Variants in ZMAT4 observed in about 807,000 individuals in gnomAD.
ZMAT4 encodes zinc finger matrin-type protein 4.
In ZMAT4, 17 loss-of-function variants were observed where a neutral mutation model predicts 28.7. The observed-to-expected ratio is 0.59, with a 90% CI of 0.41 to 0.89. The LOEUF (loss-of-function observed/expected upper bound fraction) is 0.89, where lower values mean the gene tolerates loss of function less well. Among genes scored for constraint, ZMAT4 ranks in the 40% least tolerant of loss-of-function variants. ZMAT4 has a pLI of 0.00. For synonymous variants in ZMAT4, 117 were observed against 109.2 expected (o/e 1.07, Z -0.44); for missense variants, 240 against 283.8 (o/e 0.85, Z 1.11).
chr8:40,810,118 G>T (rs1386127109), intron 2 of ZMAT4, among the ~76,000 whole-genome samples: 1 of 151,952 alleles, frequency 6.6e-6, no homozygotes, highest in African/African-American at 2.4e-5. Flanking sequence ...ACATATATAT[G>T]TGTATATGTA....
At chr8:40,638,789 A>C (rs1002869747) in intron 5 of ZMAT4, among the ~76,000 whole-genome samples, 2 of 152,240 alleles carry the variant, frequency 1.3e-5, no homozygotes, top group Non-Finnish European at 2.9e-5. Context: ...CACTATTTGG[A>C]TTTCTTTTAA....
In ZMAT4 at chr8:40,540,654, T is replaced by C. The variant is rs182980767; in HGVS notation, c.675-8416A>G. Among the ~76,000 whole-genome samples the C allele has an allele frequency of 1.3e-4, 20 of 152,304 alleles. 1 individual carries two copies. In the East Asian group the frequency reaches 3.5e-3, roughly 26 times the overall value. On this transcript the variant is annotated intron_variant, in intron 6 of 6. Coordinates refer to ENST00000297737, the MANE Select transcript of ZMAT4 (RefSeq NM_024645.3). ...GAACCCCAAATTTGTAGCCAATTGG[T>C]CAGAAGTGCAGGCATCCTGGGACCC...
intron 6 of ZMAT4, among the ~76,000 whole-genome samples, chr8:40,559,819 A>C (rs1803674043): frequency 6.6e-6 from 1 of 152,110 alleles, no homozygotes; most frequent in Non-Finnish European, 1.5e-5. Context: ...ACAACCACAT[A>C]AGTACACACA....
At chr8:40,599,427 A>G (rs903460806) in intron 5 of ZMAT4, among the ~76,000 whole-genome samples, 3 of 152,184 alleles carry the variant, frequency 2.0e-5, no homozygotes, top group African/African-American at 7.2e-5. Flanking sequence ...GTAGACATAA[A>G]CGTTTTTCCA....
chr8:40,729,931 A>G (rs1811467696), intron 3 of ZMAT4, among the ~76,000 whole-genome samples: 1 of 152,152 alleles, frequency 6.6e-6, no homozygotes, highest in Non-Finnish European at 1.5e-5. Context: ...AAACAAAATT[A>G]TTTGGCATTG....
At chr8:40,714,773 G>A (rs543110408) in intron 3 of ZMAT4, among the ~76,000 whole-genome samples, 11 of 152,228 alleles carry the variant, frequency 7.2e-5, no homozygotes, top group East Asian at 5.8e-4. Context: ...GAAATAGTCC[G>A]GGGGCAGTGG....
chr8:40,848,762 A>G (rs542293956), intron 1 of ZMAT4, among the ~76,000 whole-genome samples: 1 of 152,312 alleles, frequency 6.6e-6, no homozygotes, highest in South Asian at 2.1e-4. Flanking sequence ...ATTTATTACT[A>G]CCAGTACTAT....
rs1367722735 is a variant in ZMAT4, at chr8:40,771,340, A to AT, written c.103-3611_103-3610insA. Among the ~76,000 whole-genome samples, 39 of 47,728 alleles carry AT rather than the reference A, an allele frequency of 8.2e-4. 1 individual carries two copies. Among genetic ancestry groups the AT allele is most frequent in the Non-Finnish European group, 1.0e-3 (8 of 7,812 alleles). The allele number at this position is 47,728 out of a possible 152,430, so 31.3% of individuals were successfully genotyped here. On this transcript the variant is annotated intron_variant, in intron 2 of 6. Coordinates refer to ENST00000297737, the MANE Select transcript of ZMAT4 (RefSeq NM_024645.3). ...TAGATAATACAGGTAGAAAAGAAAAAGAAAAAAAACCCATGATTCATTAGG... is the reference window on the plus strand; with the variant it reads ...TAGATAATACAGGTAGAAAAGAAAAATGAAAAAAAACCCATGATTCATTAGG...
intron 2 of ZMAT4, among the ~76,000 whole-genome samples, chr8:40,768,523 G>C (rs1813254997): frequency 6.6e-6 from 1 of 152,154 alleles, no homozygotes; most frequent in Admixed American, 6.5e-5. Context: ...ACCTGAGGCA[G>C]GATGGCGGAG....
chr8:40,865,275 C>T (rs1412119171), intron 1 of ZMAT4, among the ~76,000 whole-genome samples: 2 of 152,160 alleles, frequency 1.3e-5, no homozygotes, highest in Non-Finnish European at 2.9e-5. Flanking sequence ...AAAAGGAAGA[C>T]ATGAAAGCAA....
At chr8:40,882,627 C>A (rs1818320487) in intron 1 of ZMAT4, among the ~76,000 whole-genome samples, 1 of 152,176 alleles carries the variant, frequency 6.6e-6, no homozygotes, top group African/African-American at 2.4e-5. Context: ...CCAGCAGCGG[C>A]TTTTATCACT....
chr8:40,774,770 T>C (rs1786897076), intron 2 of ZMAT4, among the ~76,000 whole-genome samples: 1 of 151,980 alleles, frequency 6.6e-6, no homozygotes, highest in Admixed American at 6.6e-5. Flanking sequence ...TGTATGCATA[T>C]ACAAGGCAAA....
chr8:40,896,973 CTT>C (rs34824153), intron 1 of ZMAT4, among the ~76,000 whole-genome samples: 7 of 139,252 alleles, frequency 5.0e-5, no homozygotes, highest in South Asian at 2.3e-4. Flanking sequence ...TTGGCTTTTT[CTT>C]TTTTTTTTTT....
At chr8:40,699,370 T>C (rs1364945344) in intron 3 of ZMAT4, among the ~76,000 whole-genome samples, 1 of 152,190 alleles carries the variant, frequency 6.6e-6, no homozygotes, top group Non-Finnish European at 1.5e-5. Context: ...ACAGATATAT[T>C]GCAGAACGGT....
intron 1 of ZMAT4, among the ~76,000 whole-genome samples, chr8:40,839,474 T>A (rs1428916694): frequency 6.6e-6 from 1 of 152,222 alleles, no homozygotes; most frequent in Non-Finnish European, 1.5e-5. Context: ...CACCACCAGG[T>A]ATCTACCCAA....
intron 5 of ZMAT4, among the ~76,000 whole-genome samples, chr8:40,625,935 A>C (rs1806359423): frequency 6.6e-6 from 1 of 152,112 alleles, no homozygotes; most frequent in Non-Finnish European, 1.5e-5. Flanking sequence ...AACATGGAGA[A>C]ACCCATCTCT....
intron 6 of ZMAT4, among the ~76,000 whole-genome samples, chr8:40,570,278 A>T (rs1461902578): frequency 3.3e-5 from 5 of 152,190 alleles, no homozygotes; most frequent in Non-Finnish European, 7.3e-5. Flanking sequence ...GTGGTTATGA[A>T]AATGTTCTAC....
chr8:40,700,556 T>C (rs11783722), intron 3 of ZMAT4, among the ~76,000 whole-genome samples: 4,541 of 151,966 alleles, frequency 0.03, 153 homozygotes, highest in East Asian at 0.18. Context: ...GTAGCTAGGA[T>C]CACAGGCACA....
chr8:40,652,572 C>T (rs1585822996), intron 5 of ZMAT4, among the ~76,000 whole-genome samples: 1 of 100,524 alleles, frequency 9.9e-6, no homozygotes, highest in South Asian at 4.5e-4. Flanking sequence ...ACCCAGCCAT[C>T]CCATTACTGG....
Sources: allele counts gnomAD v4.1 joint callset (sites outside exome capture counted in the v4.1 genomes callset), GRCh38; gene constraint gnomAD v4.1.1; transcripts MANE v1.5; gene names NCBI Gene and HGNC (gene_info 2026-07-23, HGNC 2026-07-21).